Variants in ROBO1 observed in about 807,000 individuals in gnomAD.
ROBO1 encodes roundabout homolog 1.
ROBO1 carries 149 observed loss-of-function variants against 195.9 expected under a neutral mutation model. The observed-to-expected ratio is 0.76, with a 90% confidence interval of 0.67 to 0.87. The LOEUF (loss-of-function observed/expected upper bound fraction) is 0.87. ROBO1 is among the 40% of genes least tolerant of loss of function. ROBO1 has a pLI of 0.00. For synonymous variants in ROBO1, 816 were observed against 733.2 expected (o/e 1.11, Z -1.82); for missense variants, 1,933 against 2,068.3 (o/e 0.93, Z 1.27).
At chr3:79,364,728 A>G (rs1273917807) in intron 2 of ROBO1, among the ~76,000 whole-genome samples, 2 of 152,194 alleles carry the variant, frequency 1.3e-5, no homozygotes, top group Non-Finnish European at 2.9e-5. Context: ...TACTTTTATT[A>G]TCAAAAAAGG....
intron 3 of ROBO1, among the ~76,000 whole-genome samples, chr3:79,008,599 A>ATT (rs568148350): frequency 4.7e-5 from 7 of 148,380 alleles, no homozygotes; most frequent in South Asian, 2.1e-4. Flanking sequence ...GTATACGTGC[A>ATT]TTTTTTTTTT....
At chr3:79,541,400 G>A (rs996882789) in intron 2 of ROBO1, among the ~76,000 whole-genome samples, 13 of 151,964 alleles carry the variant, frequency 8.6e-5, no homozygotes, top group African/African-American at 1.4e-4. Context: ...CCCTCCCAGC[G>A]GTGTGTTTGG....
At chr3:79,021,718 T>C (rs2078106795) in intron 3 of ROBO1, among the ~76,000 whole-genome samples, 1 of 144,010 alleles carries the variant, frequency 6.9e-6, no homozygotes, top group Non-Finnish European at 1.5e-5. Flanking sequence ...TGGAGTGCAG[T>C]GGCGCGATCT....
At chr3:79,199,025 T>C (rs2081705033) in intron 2 of ROBO1, among the ~76,000 whole-genome samples, 1 of 152,008 alleles carries the variant, frequency 6.6e-6, no homozygotes, top group Non-Finnish European at 1.5e-5. Flanking sequence ...TTTATTTATT[T>C]CTCTTGCCTG....
At chr3:79,344,061 A>C (rs2035013515) in intron 2 of ROBO1, among the ~76,000 whole-genome samples, 1 of 152,196 alleles carries the variant, frequency 6.6e-6, no homozygotes, top group African/African-American at 2.4e-5. Context: ...GACTGCTCAG[A>C]GGCTAATTGT....
intron 4 of ROBO1, among the ~76,000 whole-genome samples, chr3:78,869,732 T>A (rs1029001571): frequency 6.6e-6 from 1 of 152,180 alleles, no homozygotes; most frequent in East Asian, 1.9e-4. Flanking sequence ...GTGCTGGGGT[T>A]ACATACATGG....
intron 2 of ROBO1, among the ~76,000 whole-genome samples, chr3:79,411,983 G>T (rs535669123): frequency 6.6e-6 from 1 of 152,144 alleles, no homozygotes; most frequent in Non-Finnish European, 1.5e-5. Flanking sequence ...CACAGGAGAA[G>T]TTATCTCAGC....
At chr3:78,635,664 C>T (rs529516778) in intron 23 of ROBO1, 109 bp downstream of exon 23, 21 of 960,576 alleles carry the variant, frequency 2.2e-5, no homozygotes, top group Non-Finnish European at 2.9e-5. Flanking sequence ...AAAATCTCAG[C>T]GACAGAAGAA....
intron 1 of ROBO1, among the ~76,000 whole-genome samples, chr3:79,595,676 C>A (rs1219497547): frequency 1.3e-5 from 2 of 151,674 alleles, no homozygotes; most frequent in African/African-American, 4.8e-5. Flanking sequence ...GCAGCTAGGA[C>A]TACAGGTGTG....
At chr3:79,349,018 A>G (rs758406243) in intron 2 of ROBO1, among the ~76,000 whole-genome samples, 12 of 152,208 alleles carry the variant, frequency 7.9e-5, no homozygotes, top group Non-Finnish European at 8.8e-5. Context: ...TTGTCCAACA[A>G]TCTAGTTAAA....
chr3:78,708,167 A>G (rs1002041141), intron 8 of ROBO1, among the ~76,000 whole-genome samples: 2 of 152,212 alleles, frequency 1.3e-5, no homozygotes, highest in Non-Finnish European at 2.9e-5. Context: ...AGCAATGAGT[A>G]TCATTGAAGC....
rs1039227336 is a variant in ROBO1, at chr3:79,226,202, T to A, written c.89-100663A>T. Among the ~76,000 whole-genome samples, 5 of 152,280 alleles carry A rather than the reference T, an allele frequency of 3.3e-5. No homozygotes were observed. The South Asian group carries it at 1.0e-3, about 32-fold the overall frequency. On this transcript the variant is annotated intron_variant, in intron 2 of 30. Transcript: ENST00000464233. ...TATAATAGGACACCTAATTCCCTTG[T>A]CTTTTTATCACATCTGCGTGGCAAA...
At chr3:79,554,780 A>T (rs1942640104) in intron 2 of ROBO1, among the ~76,000 whole-genome samples, 1 of 152,152 alleles carries the variant, frequency 6.6e-6, no homozygotes, top group African/African-American at 2.4e-5. Context: ...TGTGTTAATC[A>T]TCTTGGAGAT....
chr3:78,836,284 G>A (rs1048145536), intron 4 of ROBO1, among the ~76,000 whole-genome samples: 9 of 152,006 alleles, frequency 5.9e-5, no homozygotes, highest in Admixed American at 1.3e-4. Context: ...AGGCCGAGGC[G>A]GGCGGATCAC....
At chr3:78,891,788 A>C (rs2036912879) in intron 4 of ROBO1, among the ~76,000 whole-genome samples, 1 of 152,224 alleles carries the variant, frequency 6.6e-6, no homozygotes, top group South Asian at 2.1e-4. Context: ...GATGTGTGTA[A>C]ACTCATAGAT....
intron 3 of ROBO1, among the ~76,000 whole-genome samples, chr3:79,004,125 G>A (rs1315494389): frequency 6.6e-6 from 1 of 152,100 alleles, no homozygotes; most frequent in South Asian, 2.1e-4. Context: ...TAACTGTTGA[G>A]TGCCCCCATT....
intron 3 of ROBO1, among the ~76,000 whole-genome samples, chr3:79,051,601 C>CA (rs899223073): frequency 3.8e-4 from 57 of 151,978 alleles, no homozygotes; most frequent in Admixed American, 7.9e-4. Context: ...AGAGACACAA[C>CA]AAAAAAAGAG....
chr3:79,655,001 G>A (rs1389737108), intron 1 of ROBO1, among the ~76,000 whole-genome samples: 1 of 151,888 alleles, frequency 6.6e-6, no homozygotes, highest in Non-Finnish European at 1.5e-5. Context: ...TTGGTATTTA[G>A]CTTGTTAGGA....
At chr3:79,113,968 T>A (rs190578657) in intron 3 of ROBO1, among the ~76,000 whole-genome samples, 6 of 152,254 alleles carry the variant, frequency 3.9e-5, no homozygotes, top group African/African-American at 1.4e-4. Context: ...CTGGGCCAGG[T>A]GGACATGATT....
Sources: gnomAD v4.1 joint callset for allele counts (sites outside exome capture counted in the v4.1 genomes callset) on GRCh38, gnomAD v4.1.1 for gene constraint, MANE v1.5 for transcripts, NCBI Gene and HGNC (gene_info 2026-07-23, HGNC 2026-07-21) for gene names.